Variants in CAST observed in about 807,000 individuals in gnomAD.
CAST encodes calpastatin.
CAST carries 76 observed loss-of-function variants against 119.6 expected under a neutral mutation model. The ratio of observed to expected loss-of-function variants is 0.64; its 90% CI spans 0.53 to 0.77. The LOEUF (loss-of-function observed/expected upper bound fraction) is 0.77. Among genes scored for constraint, CAST ranks in the 30% least tolerant of loss-of-function variants. CAST has a pLI of 0.00. For synonymous variants in CAST, 319 were observed against 331.6 expected, an observed-to-expected ratio of 0.96 and a Z score of 0.41; for missense variants, 953 against 946.5, an observed-to-expected ratio of 1.01 and a Z score of -0.09.
chr5:96,331,788 G>T, the CAST span, among the ~76,000 whole-genome samples: 1 of 152,226 alleles, frequency 6.6e-6, no homozygotes, highest in African/African-American at 2.4e-5. Flanking sequence ...AAATGTCACA[G>T]ATTTGGAAGG....
At chr5:96,742,557 C>A in intron 15 of CAST, 98 bp from the exon 16 acceptor site, 1 of 792,172 alleles carries the variant, frequency 1.3e-6, no homozygotes, top group African/African-American at 1.7e-5. Flanking sequence ...AATCCATATT[C>A]AGTTTATAAT....
the CAST span, among the ~76,000 whole-genome samples, chr5:96,167,439 A>G: frequency 6.6e-6 from 1 of 152,196 alleles, no homozygotes; most frequent in African/African-American, 2.4e-5. Flanking sequence ...GGGCCTAATA[A>G]AAAGGAGTGT....
chr5:96,383,147 G>T, the CAST span, among the ~76,000 whole-genome samples: 1 of 152,168 alleles, frequency 6.6e-6, no homozygotes, highest in Admixed American at 6.5e-5. Flanking sequence ...TATACGAGAG[G>T]TTCTGACTTA....
At chr5:96,763,144 G>A (rs923600416) in intron 25 of CAST, 80 of 780,228 alleles carry the variant, frequency 1.0e-4, no homozygotes, top group East Asian at 7.3e-4. Context: ...CTTCCATTCC[G>A]TTTGATGTAG....
At chr5:96,212,763 T>C in the CAST span, among the ~76,000 whole-genome samples, 1 of 152,212 alleles carries the variant, frequency 6.6e-6, no homozygotes, top group Non-Finnish European at 1.5e-5. Flanking sequence ...CATAACTCTG[T>C]TGCTTTTTGT....
intron 1 of CAST, among the ~76,000 whole-genome samples, chr5:96,663,929 G>C (rs1015079659): frequency 3.8e-5 from 5 of 130,048 alleles, no homozygotes; most frequent in African/African-American, 1.7e-4. Context: ...TTTAACATTA[G>C]ATTGCTTTCC....
At chr5:96,290,743 G>C in the CAST span, among the ~76,000 whole-genome samples, 5 of 152,230 alleles carry the variant, frequency 3.3e-5, no homozygotes, top group Non-Finnish European at 5.9e-5. Flanking sequence ...TCCTTTCTCA[G>C]TTGGGGCAAG....
At chr5:96,397,640 C>T in the CAST span, among the ~76,000 whole-genome samples, 1 of 152,116 alleles carries the variant, frequency 6.6e-6, no homozygotes, top group Non-Finnish European at 1.5e-5. Flanking sequence ...ATGTTTTTAT[C>T]TATAGTGCTT....
the CAST span, among the ~76,000 whole-genome samples, chr5:96,421,486 C>T: frequency 6.6e-6 from 1 of 152,172 alleles, no homozygotes; most frequent in African/African-American, 2.4e-5. Context: ...TTGTTCATAT[C>T]CATTTCTTTA....
chr5:96,407,411 A>G, the CAST span, among the ~76,000 whole-genome samples: 1 of 152,340 alleles, frequency 6.6e-6, no homozygotes, highest in South Asian at 2.1e-4. Context: ...TCACCTATCA[A>G]CATAGCAAAT....
chr5:96,429,259 C>T, the CAST span: 1,027 of 1,604,620 alleles, frequency 6.4e-4, 8 homozygotes, highest in East Asian at 0.02. Context: ...GGCACTCCTT[C>T]GAGACCTTCT....
intron 1 of CAST, among the ~76,000 whole-genome samples, chr5:96,667,403 AT>A (rs1580890571): frequency 1.3e-5 from 2 of 152,226 alleles, no homozygotes; most frequent in African/African-American, 4.8e-5. Context: ...CTACAAGTTC[AT>A]TCTCATGACA....
intron 1 of CAST, among the ~76,000 whole-genome samples, chr5:96,555,821 G>A (rs569680707): frequency 0.041 from 6,242 of 152,256 alleles, 213 homozygotes; most frequent in African/African-American, 0.089. Context: ...CAAACAAAAG[G>A]CAGCAGAAAC....
At chr5:96,001,447 C>T in the CAST span, among the ~76,000 whole-genome samples, 1 of 152,128 alleles carries the variant, frequency 6.6e-6, no homozygotes, top group South Asian at 2.1e-4. Context: ...AGACATGGGA[C>T]AGAGGAATTT....
chr5:96,117,066 G>C, the CAST span, among the ~76,000 whole-genome samples: 2 of 152,194 alleles, frequency 1.3e-5, no homozygotes, highest in Non-Finnish European at 2.9e-5. Flanking sequence ...TCTCCGCCTT[G>C]GAGGTGAGCA....
At chr5:96,060,370 G>T in the CAST span, among the ~76,000 whole-genome samples, 4 of 152,112 alleles carry the variant, frequency 2.6e-5, no homozygotes, top group African/African-American at 4.8e-5. Flanking sequence ...AGATCCACAT[G>T]CTATAGATGG....
intron 1 of CAST, among the ~76,000 whole-genome samples, chr5:96,549,532 G>T (rs182782581): frequency 1.3e-3 from 192 of 152,320 alleles, no homozygotes; most frequent in Non-Finnish European, 1.1e-3. Context: ...TCATCTCATT[G>T]GGACTGGTTG....
chr5:96,221,066 C>G, the CAST span, among the ~76,000 whole-genome samples: 1 of 151,996 alleles, frequency 6.6e-6, no homozygotes, highest in Non-Finnish European at 1.5e-5. Context: ...GTCACTTTGC[C>G]CTCCCTTGGC....
chr5:96,272,753 G>C, the CAST span, among the ~76,000 whole-genome samples: 1 of 151,932 alleles, frequency 6.6e-6, no homozygotes, highest in Non-Finnish European at 1.5e-5. Context: ...TAACTCAAAG[G>C]TTTCTGGCAA....
Sources: allele counts gnomAD v4.1 joint callset (sites outside exome capture counted in the v4.1 genomes callset), GRCh38; gene constraint gnomAD v4.1.1; transcripts MANE v1.5; gene names NCBI Gene and HGNC (gene_info 2026-07-23, HGNC 2026-07-21).